The following SH3RF3 variants were observed in gnomAD, a reference collection of about 807,000 sequenced individuals.
SH3RF3 encodes E3 ubiquitin-protein ligase SH3RF3.
A neutral mutation model predicts 66.3 loss-of-function variants in SH3RF3; 29 were observed. The ratio of observed to expected loss-of-function variants is 0.44; its 90% CI spans 0.33 to 0.60. The LOEUF is 0.60. SH3RF3 is among the 20% of genes least tolerant of loss of function. SH3RF3 has a pLI of 0.04. For missense variants in SH3RF3, 1,194 were observed against 1,190.9 expected (o/e 1.00, Z -0.04); for synonymous variants, 583 against 532.0 (o/e 1.10, Z -1.32).
At chr2:109,161,600 T>G (rs906401749) in intron 1 of SH3RF3, among the ~76,000 whole-genome samples, 2 of 151,904 alleles carry the variant, frequency 1.3e-5, no homozygotes, top group African/African-American at 4.8e-5. Context: ...TGGGTCACAA[T>G]TCTGCTGACT....
intron 8 of SH3RF3, among the ~76,000 whole-genome samples, chr2:109,457,966 G>C (rs1441552070): frequency 6.6e-6 from 1 of 152,180 alleles, no homozygotes. Flanking sequence ...ATAACTGAGG[G>C]AAATGTCGAG....
At chr2:109,379,389 G>A (rs1257762729) in intron 3 of SH3RF3, among the ~76,000 whole-genome samples, 2 of 152,152 alleles carry the variant, frequency 1.3e-5, no homozygotes, top group East Asian at 1.9e-4. Flanking sequence ...ACAACCAAAC[G>A]CCAAAGCCCG....
intron 6 of SH3RF3, 39 bp from the exon 7 acceptor site, chr2:109,436,852 CTG>C: frequency 6.2e-7 from 1 of 1,600,838 alleles, no homozygotes; most frequent in Non-Finnish European, 8.5e-7. Flanking sequence ...ACGAATGCCT[CTG>C]AGCCTCTCAT....
At chr2:109,478,045 C>G (rs1307995337) in intron 8 of SH3RF3, among the ~76,000 whole-genome samples, 1 of 152,218 alleles carries the variant, frequency 6.6e-6, no homozygotes, top group Non-Finnish European at 1.5e-5. Context: ...GAGAGAGACC[C>G]TGGGGAGGAG....
At chr2:109,197,522 C>T (rs961428743) in intron 1 of SH3RF3, among the ~76,000 whole-genome samples, 1 of 152,218 alleles carries the variant, frequency 6.6e-6, no homozygotes, top group African/African-American at 2.4e-5. Flanking sequence ...GAGTCAGATG[C>T]CCATATTCCC....
intron 4 of SH3RF3, among the ~76,000 whole-genome samples, chr2:109,411,198 G>A (rs946213852): frequency 5.3e-5 from 8 of 152,188 alleles, no homozygotes; most frequent in Non-Finnish European, 8.8e-5. Context: ...GGGGAGAGGC[G>A]CCATTGGTTG....
chr2:109,451,852 G>C (rs1021819881), intron 8 of SH3RF3, among the ~76,000 whole-genome samples: 2 of 152,240 alleles, frequency 1.3e-5, no homozygotes. Context: ...GCAGAAGTGC[G>C]TAGGCCACGC....
intron 1 of SH3RF3, among the ~76,000 whole-genome samples, chr2:109,171,382 A>C (rs1419670101): frequency 6.6e-6 from 1 of 152,192 alleles, no homozygotes; most frequent in African/African-American, 2.4e-5. Context: ...ATTTGTTGTT[A>C]GTGACTATGA....
In SH3RF3 at chr2:109,212,249, A is replaced by G. The variant is rs185368983; in HGVS notation, c.573+82136A>G. Among the ~76,000 whole-genome samples the G allele has an allele frequency of 2.7e-3, 413 of 151,940 alleles. 4 individuals carry two copies. Among genetic ancestry groups the G allele is most frequent in the African/African-American group, 9.6e-3 (397 of 41,410 alleles). ...CTTCTTGACTCCTCACTTCCCTCCA[A>G]CTCCATGAAATGAGGCTGCCCAGAA... On this transcript the variant is annotated intron_variant, in intron 1 of 9. Coordinates refer to ENST00000309415, the MANE Select transcript of SH3RF3 (RefSeq NM_001099289.3).
At chr2:109,458,031 T>C (rs1314205426) in intron 8 of SH3RF3, among the ~76,000 whole-genome samples, 1 of 152,102 alleles carries the variant, frequency 6.6e-6, no homozygotes, top group Non-Finnish European at 1.5e-5. Context: ...TTATTTTGTT[T>C]TTTCAGGCAC....
At chr2:109,478,525 C>T (rs1252476805) in intron 8 of SH3RF3, among the ~76,000 whole-genome samples, 1 of 152,148 alleles carries the variant, frequency 6.6e-6, no homozygotes, top group Non-Finnish European at 1.5e-5. Context: ...AGGTTCAGTC[C>T]TTGGCATTTT....
chr2:109,170,165 C>T (rs930918361), intron 1 of SH3RF3, among the ~76,000 whole-genome samples: 3 of 152,118 alleles, frequency 2.0e-5, no homozygotes, highest in East Asian at 1.9e-4. Flanking sequence ...ATACCATCGT[C>T]GGCTCTTGTT....
intron 1 of SH3RF3, among the ~76,000 whole-genome samples, chr2:109,171,865 T>G (rs1249928053): frequency 6.6e-6 from 1 of 152,262 alleles, no homozygotes; most frequent in Non-Finnish European, 1.5e-5. Flanking sequence ...TTGTGTTTTA[T>G]ATGGATTCAC....
intron 1 of SH3RF3, among the ~76,000 whole-genome samples, chr2:109,172,869 A>G (rs1454237338): frequency 6.6e-6 from 1 of 152,238 alleles, no homozygotes; most frequent in Non-Finnish European, 1.5e-5. Flanking sequence ...AGCTGAGTCC[A>G]GTATTTCTCT....
intron 1 of SH3RF3, among the ~76,000 whole-genome samples, chr2:109,150,336 G>A (rs1024124316): frequency 4.6e-5 from 7 of 152,164 alleles, no homozygotes; most frequent in Admixed American, 3.3e-4. Flanking sequence ...GGCTGGAGAG[G>A]ATGGCCGAGG....
intron 2 of SH3RF3, among the ~76,000 whole-genome samples, chr2:109,358,402 T>C (rs1318550574): frequency 6.6e-6 from 1 of 152,230 alleles, no homozygotes; most frequent in Non-Finnish European, 1.5e-5. Context: ...TCAGCTCCTT[T>C]GGATAAATAC....
intron 3 of SH3RF3, among the ~76,000 whole-genome samples, chr2:109,376,251 A>T (rs1683381208): frequency 6.6e-6 from 1 of 152,230 alleles, no homozygotes. Context: ...TGCCTGGGTG[A>T]GGTTTGCAGT....
At chr2:109,240,372 C>T (rs1679748993) in intron 1 of SH3RF3, among the ~76,000 whole-genome samples, 1 of 152,134 alleles carries the variant, frequency 6.6e-6, no homozygotes, top group South Asian at 2.1e-4. Context: ...CCTGTAATCC[C>T]AGCTACTTGG....
chr2:109,250,334 G>T (rs1680056657), intron 1 of SH3RF3, among the ~76,000 whole-genome samples: 1 of 152,038 alleles, frequency 6.6e-6, no homozygotes, highest in South Asian at 2.1e-4. Flanking sequence ...TTCTAAACAT[G>T]CACAAGCTAA....
Sources: allele counts gnomAD v4.1 joint callset (sites outside exome capture counted in the v4.1 genomes callset), GRCh38; gene constraint gnomAD v4.1.1; transcripts MANE v1.5; gene names NCBI Gene and HGNC (gene_info 2026-07-23, HGNC 2026-07-21).